Variants in AKAP6 observed in about 807,000 individuals in gnomAD.
AKAP6 encodes A-kinase anchoring protein 6, also known as A-kinase anchor protein 6.
Under a neutral mutation model 188.5 loss-of-function variants are expected in AKAP6, and 58 were observed. That is an observed-to-expected ratio of 0.31 (90% CI 0.25 to 0.38). The LOEUF (loss-of-function observed/expected upper bound fraction) is 0.38, where lower values mean the gene tolerates loss of function less well. Ranked by LOEUF, AKAP6 falls within the 10% of genes least tolerant of loss-of-function variation. The pLI is 1.00. For synonymous variants in AKAP6, 989 were observed against 998.6 expected (o/e 0.99, Z 0.18); for missense variants, 2,710 against 2,740.0 (o/e 0.99, Z 0.24).
At chr14:32,782,292 T>A (rs2033277691) in intron 12 of AKAP6, among the ~76,000 whole-genome samples, 1 of 151,022 alleles carries the variant, frequency 6.6e-6, no homozygotes, top group Non-Finnish European at 1.5e-5. Flanking sequence ...TAAGAAACAG[T>A]TAACATCATA....
intron 12 of AKAP6, among the ~76,000 whole-genome samples, chr14:32,778,299 T>G (rs2033130129): frequency 6.6e-6 from 1 of 152,170 alleles, no homozygotes; most frequent in African/African-American, 2.4e-5. Flanking sequence ...GAAATTTTTT[T>G]TGTATTATTT....
chr14:32,645,911 G>A (rs528579204), intron 7 of AKAP6, among the ~76,000 whole-genome samples: 5 of 152,072 alleles, frequency 3.3e-5, no homozygotes, highest in East Asian at 1.9e-4. Context: ...GCCATTCCTC[G>A]GAGAAAGCAT....
intron 2 of AKAP6, among the ~76,000 whole-genome samples, chr14:32,460,272 A>G (rs1182506678): frequency 6.6e-6 from 1 of 152,202 alleles, no homozygotes; most frequent in Admixed American, 6.5e-5. Context: ...AGAGGGAGAC[A>G]GAGAGAGAGG....
intron 2 of AKAP6, among the ~76,000 whole-genome samples, chr14:32,489,411 T>C (rs1206496334): frequency 6.6e-6 from 1 of 152,164 alleles, no homozygotes; most frequent in African/African-American, 2.4e-5. Flanking sequence ...TGTCTCTCTA[T>C]GTTGCCTAGG....
intron 1 of AKAP6, among the ~76,000 whole-genome samples, chr14:32,418,766 G>C (rs1889743525): frequency 6.6e-6 from 1 of 152,068 alleles, no homozygotes; most frequent in Non-Finnish European, 1.5e-5. Context: ...TTATTTCATT[G>C]AGCAAGATAA....
chr14:32,464,156 A>G (rs570076896), intron 2 of AKAP6, among the ~76,000 whole-genome samples: 1 of 152,380 alleles, frequency 6.6e-6, no homozygotes, highest in African/African-American at 2.4e-5. Flanking sequence ...GCCGAATTCT[A>G]CCAGCAGTAC....
At chr14:32,386,291 T>C (rs951265841) in intron 1 of AKAP6, among the ~76,000 whole-genome samples, 4 of 152,130 alleles carry the variant, frequency 2.6e-5, no homozygotes, top group African/African-American at 9.7e-5. Flanking sequence ...TTTTAAATTA[T>C]GGCCATTCTA....
chr14:32,506,533 G>A (rs1566544274), intron 2 of AKAP6, among the ~76,000 whole-genome samples: 3 of 152,150 alleles, frequency 2.0e-5, no homozygotes, highest in South Asian at 4.1e-4. Flanking sequence ...TCTACATCAC[G>A]ACAGAACAAA....
At chr14:32,712,877 A>G (rs1356730659) in intron 9 of AKAP6, among the ~76,000 whole-genome samples, 1 of 152,094 alleles carries the variant, frequency 6.6e-6, no homozygotes, top group Non-Finnish European at 1.5e-5. Flanking sequence ...ATCTCCTCCT[A>G]TGAATTTCAA....
At chr14:32,567,944 A>G (rs1566579610) in intron 4 of AKAP6, among the ~76,000 whole-genome samples, 1 of 152,134 alleles carries the variant, frequency 6.6e-6, no homozygotes, top group Non-Finnish European at 1.5e-5. Context: ...TGGAAAAAAG[A>G]GGAGAAGTGG....
rs186202751 is a variant in AKAP6 at position 32,375,100 on chromosome 14, T to C, written c.-35+45692T>C. ...GCCTGTAGTAGGAATGAAACAGTAC[T>C]AATCAATTCAAGAAATAATCTGGAA... On this transcript the variant is annotated intron_variant, in intron 1 of 13. Coordinates refer to ENST00000280979, the MANE Select transcript of AKAP6 (RefSeq NM_004274.5). 4.7e-3 allele frequency among the ~76,000 whole-genome samples: 717 copies of C among 152,318 alleles called. 3 individuals are homozygous for C. Among genetic ancestry groups the C allele is most frequent in the African/African-American group, 0.014 (602 of 41,578 alleles).
In AKAP6 at chr14:32,672,395, C is replaced by G. The variant is rs546387250; in HGVS notation, c.2731-5916C>G. On this transcript the variant is annotated intron_variant, in intron 7 of 13. Coordinates refer to ENST00000280979, the MANE Select transcript of AKAP6 (RefSeq NM_004274.5). ...ACAGCAGAAATTATTTCTCACAGTT[C>G]TGGAGGCTGGAAGTCCAAGATTGAG... Among the ~76,000 whole-genome samples the G allele has an allele frequency of 5.3e-5, 8 of 152,276 alleles. No homozygotes were observed. In the East Asian group the frequency reaches 1.5e-3, roughly 29 times the overall value.
chr14:32,605,619 C>T (rs183708615), intron 7 of AKAP6, among the ~76,000 whole-genome samples: 272 of 152,236 alleles, frequency 1.8e-3, no homozygotes, highest in Admixed American at 3.3e-3. Flanking sequence ...TGCAATAAAT[C>T]GAGCAAGCTT....
At chr14:32,540,248 G>T (rs1293524569) in intron 3 of AKAP6, among the ~76,000 whole-genome samples, 2 of 146,672 alleles carry the variant, frequency 1.4e-5, no homozygotes, top group Non-Finnish European at 3.0e-5. Context: ...TCCCAGGCTG[G>T]AGTGCAGTGG....
At chr14:32,712,622 A>G (rs1268286552) in intron 9 of AKAP6, among the ~76,000 whole-genome samples, 3 of 152,140 alleles carry the variant, frequency 2.0e-5, no homozygotes, top group Non-Finnish European at 4.4e-5. Context: ...TCTCAACAGC[A>G]GTAAATTCCA....
intron 7 of AKAP6, among the ~76,000 whole-genome samples, chr14:32,668,646 A>T (rs954504872): frequency 1.3e-5 from 2 of 152,102 alleles, no homozygotes; most frequent in South Asian, 2.1e-4. Context: ...TACTTAAATC[A>T]TTTATCTTTT....
intron 12 of AKAP6, among the ~76,000 whole-genome samples, chr14:32,821,154 C>G (rs1330537010): frequency 2.0e-5 from 3 of 152,148 alleles, no homozygotes; most frequent in Non-Finnish European, 4.4e-5. Context: ...TACAATTTGA[C>G]AATAATAATC....
intron 7 of AKAP6, among the ~76,000 whole-genome samples, chr14:32,648,390 A>G (rs1426461362): frequency 6.6e-6 from 1 of 152,068 alleles, no homozygotes; most frequent in African/African-American, 2.4e-5. Flanking sequence ...AGCGGTGATC[A>G]TTTTCAGAAT....
chr14:32,570,231 A>G (rs1884416785), intron 4 of AKAP6, among the ~76,000 whole-genome samples: 1 of 149,766 alleles, frequency 6.7e-6, no homozygotes, highest in Admixed American at 6.8e-5. Context: ...CCTGGGTTCA[A>G]GTGATTCTCG....
Sources: allele counts gnomAD v4.1 joint callset (sites outside exome capture counted in the v4.1 genomes callset), GRCh38; gene constraint gnomAD v4.1.1; transcripts MANE v1.5; gene names NCBI Gene and HGNC (gene_info 2026-07-23, HGNC 2026-07-21).